Variants in ZFHX3 observed in about 807,000 individuals in gnomAD.
ZFHX3 encodes zinc finger homeobox protein 3.
In ZFHX3, 42 loss-of-function variants were observed where a neutral mutation model predicts 279.1. The observed-to-expected ratio is 0.15, with a 90% CI of 0.12 to 0.19. The LOEUF is 0.19. Ranked by LOEUF, ZFHX3 falls within the 10% of genes least tolerant of loss-of-function variation. ZFHX3 has a pLI of 1.00. For synonymous variants in ZFHX3, 2,293 were observed against 1,957.8 expected, an observed-to-expected ratio of 1.17 and a Z score of -4.52; for missense variants, 4,981 against 4,754.0, an observed-to-expected ratio of 1.05 and a Z score of -1.40.
At chr16:73,592,218 G>A (rs545161163) in intron 2 of ZFHX3, among the ~76,000 whole-genome samples, 3 of 152,312 alleles carry the variant, frequency 2.0e-5, no homozygotes, top group East Asian at 3.9e-4. Flanking sequence ...GGGCGACAGA[G>A]TGAGACTGTC....
At chr16:72,947,976 C>A (rs1381406497) in intron 3 of ZFHX3, among the ~76,000 whole-genome samples, 1 of 152,202 alleles carries the variant, frequency 6.6e-6, no homozygotes, top group Non-Finnish European at 1.5e-5. Flanking sequence ...CAATCCCCAC[C>A]CCAAATCCGT....
At chr16:73,164,177 A>T (rs1377173132) in intron 5 of ZFHX3, among the ~76,000 whole-genome samples, 1 of 152,100 alleles carries the variant, frequency 6.6e-6, no homozygotes, top group African/African-American at 2.4e-5. Context: ...TTTTATACCA[A>T]TTTTTCCATT....
chr16:72,943,044 A>C (rs35368896), intron 3 of ZFHX3, among the ~76,000 whole-genome samples: 23,707 of 152,174 alleles, frequency 0.16, 2,416 homozygotes, highest in Non-Finnish European at 0.23. Flanking sequence ...TGATTTACCT[A>C]AATCTGTGGA....
At chr16:73,598,294 C>G (rs969762660) in intron 2 of ZFHX3, among the ~76,000 whole-genome samples, 1 of 152,144 alleles carries the variant, frequency 6.6e-6, no homozygotes, top group Non-Finnish European at 1.5e-5. Context: ...AGGACAAATT[C>G]TTCTGGTTTA....
At chr16:72,822,247 G>A (rs1239886234) in intron 5 of ZFHX3, among the ~76,000 whole-genome samples, 1 of 152,198 alleles carries the variant, frequency 6.6e-6, no homozygotes, top group Non-Finnish European at 1.5e-5. Context: ...ATAAACAGCT[G>A]ACAAACTCTA....
At chr16:73,814,598 G>A (rs9972777) in intron 1 of ZFHX3, among the ~76,000 whole-genome samples, 26,938 of 146,922 alleles carry the variant, frequency 0.18, 2,709 homozygotes, top group East Asian at 0.43. Context: ...ATGGAGTTTC[G>A]CTCTTGTTGC....
chr16:73,473,343 AAAAAAAAAAAAAAAC>A (rs2018704524), intron 2 of ZFHX3, among the ~76,000 whole-genome samples: 3 of 49,732 alleles, frequency 6.0e-5, no homozygotes, highest in East Asian at 4.0e-3. Context: ...TCAAAGCAAA[AAAAAAAAAAAAAAAC>A]AAAAAAAAAA....
chr16:73,287,938 C>T (rs1010714938), intron 4 of ZFHX3, among the ~76,000 whole-genome samples: 12 of 152,040 alleles, frequency 7.9e-5, no homozygotes, highest in African/African-American at 2.7e-4. Context: ...GGAAAACAAA[C>T]ATCCCCATTC....
At chr16:73,457,978 A>G (rs1434920077) in intron 2 of ZFHX3, among the ~76,000 whole-genome samples, 1 of 152,118 alleles carries the variant, frequency 6.6e-6, no homozygotes, top group Non-Finnish European at 1.5e-5. Flanking sequence ...CAGGTGTTTA[A>G]CAGATTCTCC....
chr16:73,191,149 T>G (rs975650762), intron 5 of ZFHX3, among the ~76,000 whole-genome samples: 2 of 152,108 alleles, frequency 1.3e-5, no homozygotes, highest in Non-Finnish European at 1.5e-5. Context: ...CAGGATTCTG[T>G]GGGCTTTCTA....
chr16:73,877,415 A>G (rs1424090952), intron 1 of ZFHX3, among the ~76,000 whole-genome samples: 2 of 152,172 alleles, frequency 1.3e-5, no homozygotes, highest in Non-Finnish European at 1.5e-5. Flanking sequence ...AGCTGAACTG[A>G]CAGCTAGTGG....
rs182879534 is a variant in ZFHX3 at position 72,788,395 on chromosome 16, G to T, written c.9881C>A (p.Ala3294Glu). ...DPAQLQALQA[A>E]LTSDPTALLT... The stretch of plus-strand genomic sequence containing the variant: ...CAATGCTGTGGGGTCCGAAGTCAAC[G>T]CGGCCTGCAGGGCCTGCAGCTGTGC... The change falls in exon 10 of 10, where the codon GCG becomes GAG. Residue 3294 changes from alanine to glutamate, a missense_variant. Physicochemically the swap from Ala to Glu is moderately radical, Grantham distance 107 (BLOSUM62 -1). This residue lies in a region of ZFHX3 where 1,034 missense variants were observed against 786.0 expected (regional missense o/e 1.32). Coordinates refer to ENST00000268489, the MANE Select transcript of ZFHX3 (RefSeq NM_006885.4). The T allele has an allele frequency of 6.2e-7, 1 of 1,614,076 alleles. No homozygotes were observed.
At chr16:73,065,851 AT>A (rs1391073007) in intron 8 of ZFHX3, among the ~76,000 whole-genome samples, 1 of 152,214 alleles carries the variant, frequency 6.6e-6, no homozygotes, top group African/African-American at 2.4e-5. Flanking sequence ...TCGAACAGAT[AT>A]TTTTCCAAGG....
chr16:73,857,335 T>C (rs1162394795), intron 1 of ZFHX3, among the ~76,000 whole-genome samples: 1 of 152,196 alleles, frequency 6.6e-6, no homozygotes, highest in African/African-American at 2.4e-5. Context: ...TGAGTAAAGA[T>C]GGCATCTAAA....
At chr16:73,046,388 G>C (rs1597132633) in intron 1 of ZFHX3, among the ~76,000 whole-genome samples, 1 of 152,160 alleles carries the variant, frequency 6.6e-6, no homozygotes, top group Non-Finnish European at 1.5e-5. Flanking sequence ...GGCCTTTCTT[G>C]ATCAGGTTAC....
chr16:73,359,514 TTA>T (rs1381859958), intron 3 of ZFHX3, among the ~76,000 whole-genome samples: 2 of 152,104 alleles, frequency 1.3e-5, no homozygotes, highest in African/African-American at 4.8e-5. Flanking sequence ...ACAGGAGAGT[TTA>T]GAGGCGGAAG....
At chr16:73,830,750 T>C (rs1960974475) in intron 1 of ZFHX3, among the ~76,000 whole-genome samples, 2 of 152,260 alleles carry the variant, frequency 1.3e-5, no homozygotes, top group African/African-American at 4.8e-5. Context: ...TGAGTATTTT[T>C]AACTTCTTGA....
chr16:72,808,383 T>A (rs1354904999), intron 7 of ZFHX3, among the ~76,000 whole-genome samples: 1 of 152,174 alleles, frequency 6.6e-6, no homozygotes, highest in Non-Finnish European at 1.5e-5. Context: ...TAGAAATGCA[T>A]AGTTTGGCTC....
intron 2 of ZFHX3, among the ~76,000 whole-genome samples, chr16:73,595,165 C>A (rs987879693): frequency 1.3e-5 from 2 of 152,094 alleles, no homozygotes; most frequent in African/African-American, 4.8e-5. Context: ...CCCTCTGTAT[C>A]CCTCTTTCTG....
Sources: allele counts gnomAD v4.1 joint callset (sites outside exome capture counted in the v4.1 genomes callset), GRCh38; gene constraint gnomAD v4.1.1; regional missense constraint gnomAD v4.1.1; transcripts MANE v1.5; gene names NCBI Gene and HGNC (gene_info 2026-07-23, HGNC 2026-07-21).